Variants in ABTB2 observed in about 807,000 individuals in gnomAD.
ABTB2 encodes the protein ankyrin repeat and BTB/POZ domain-containing protein 2.
ABTB2 carries 56 observed loss-of-function variants against 104.1 expected under a neutral mutation model. The observed-to-expected ratio is 0.54, with a 90% CI of 0.43 to 0.67. The LOEUF is 0.67. ABTB2 is among the 30% of genes least tolerant of loss of function. ABTB2 has a pLI of 0.00. For missense variants in ABTB2, 1,279 were observed against 1,407.7 expected, an observed-to-expected ratio of 0.91 and a Z score of 1.46; for synonymous variants, 606 against 608.2, an observed-to-expected ratio of 1.00 and a Z score of 0.05.
chr11:34,184,850 T>C (rs1289545149), intron 3 of ABTB2, among the ~76,000 whole-genome samples: 1 of 152,242 alleles, frequency 6.6e-6, no homozygotes, highest in Non-Finnish European at 1.5e-5. Flanking sequence ...TCTTCTCCCA[T>C]GAGCGGTGTT....
intron 1 of ABTB2, among the ~76,000 whole-genome samples, chr11:34,253,970 G>A (rs373287912): frequency 6.6e-6 from 1 of 152,166 alleles, no homozygotes; most frequent in Non-Finnish European, 1.5e-5. Context: ...TGGACCGTGA[G>A]AGCACTGGCC....
chr11:34,207,823 C>A (rs575926388), intron 1 of ABTB2, among the ~76,000 whole-genome samples: 7 of 152,218 alleles, frequency 4.6e-5, no homozygotes, highest in African/African-American at 1.7e-4. Flanking sequence ...AGCTAGGCAG[C>A]GCCTAGGATA....
intron 3 of ABTB2, among the ~76,000 whole-genome samples, chr11:34,192,644 C>T (rs866143309): frequency 6.6e-6 from 1 of 152,222 alleles, no homozygotes; most frequent in Admixed American, 6.5e-5. Flanking sequence ...AGGCAAGAGG[C>T]CAGGATCTGA....
In ABTB2 at chr11:34,310,405, C is replaced by T. The variant is rs557319693; in HGVS notation, c.883+46296G>A. ...TGCAACCCTCTGAGTTTCGAATCAA[C>T]TTCCAAATCTGTCACTGCTGCTTCT... is the stretch of plus-strand genomic sequence containing the variant. On this transcript the variant is annotated intron_variant, in intron 1 of 16. Coordinates refer to ENST00000435224, the MANE Select transcript of ABTB2 (RefSeq NM_145804.3). Among the ~76,000 whole-genome samples the T allele has an allele frequency of 8.4e-4, 128 of 152,230 alleles. 2 individuals carry two copies. The highest frequency in any genetic ancestry group is 2.6e-3 in the African/African-American group (108 of 41,532).
Position 34,252,171 on chromosome 11 carries a change from C to G in ABTB2, c.884-47481G>C, listed in dbSNP as rs553769540. Among the ~76,000 whole-genome samples, 98 of 152,308 alleles carry G rather than the reference C, an allele frequency of 6.4e-4. 1 individual carries two copies. The highest frequency in any genetic ancestry group is 1.5e-3 in the Admixed American group (23 of 15,290). On this transcript the variant is annotated intron_variant, in intron 1 of 16. Transcript: ENST00000435224. The surrounding 1 kb of genome is among the most constrained non-coding windows in gnomAD (Gnocchi z 5.5). ...GCTGAGCTGAAAGGAAGTCACCTGA[C>G]ACAGCATGAGCCCCCACACCAGAGC...
In ABTB2 at chr11:34,162,754, C is replaced by T. The variant is rs754314195; in HGVS notation, c.2040G>A (p.Val680=). 3.7e-6 allele frequency: 6 copies of T among 1,609,806 alleles called. 1 individual carries two copies. The highest frequency in any genetic ancestry group is 3.3e-5 in the Admixed American group (2 of 60,002). The change falls in exon 10 of 17, where the codon GTG becomes GTA. Residue 680 remains valine (V), a synonymous_variant. Coordinates refer to ENST00000435224, the MANE Select transcript of ABTB2 (RefSeq NM_145804.3). ...LTQPQQAKAD[V]LSLEEILAEG... ...CGGCCAGGATCTCCTCCAGGGACAG[C>T]ACGTCCGCTTTAGCCTGCTGTGGCT...
chr11:34,258,205 T>C (rs1273113645), intron 1 of ABTB2, among the ~76,000 whole-genome samples: 10 of 152,242 alleles, frequency 6.6e-5, no homozygotes, highest in Non-Finnish European at 1.0e-4. Context: ...CTATAAACTT[T>C]GTGTCACTGA....
intron 1 of ABTB2, chr11:34,335,410 C>A (rs1050320600): frequency 3.7e-6 from 3 of 804,350 alleles, no homozygotes; most frequent in Non-Finnish European, 6.6e-6. Context: ...TCTAAGAGCA[C>A]TTCTCTTTCA....
At chr11:34,337,757 C>A (rs182975358) in intron 1 of ABTB2, among the ~76,000 whole-genome samples, 1 of 152,234 alleles carries the variant, frequency 6.6e-6, no homozygotes, top group South Asian at 2.1e-4. Flanking sequence ...AGTAGGCATT[C>A]GGCAAATAAC....
intron 1 of ABTB2, among the ~76,000 whole-genome samples, chr11:34,272,119 G>A (rs1012131922): frequency 6.6e-6 from 1 of 152,106 alleles, no homozygotes; most frequent in East Asian, 1.9e-4. Context: ...TTCCTCATCT[G>A]TAACTAAAGA....
intron 1 of ABTB2, among the ~76,000 whole-genome samples, chr11:34,327,934 C>T (rs144582122): frequency 2.2e-4 from 34 of 152,294 alleles, no homozygotes; most frequent in African/African-American, 8.2e-4. Flanking sequence ...CCCAACTCCT[C>T]GCTGGCTGTT....
Position 34,345,566 on chromosome 11 carries a change from A to C in ABTB2, c.883+11135T>G, listed in dbSNP as rs144812839. On this transcript the variant is annotated intron_variant, in intron 1 of 16. Transcript: ENST00000435224. ...GCCATCATCATTTGTCTCCTCAAAGACCAGTGTGGTAGAAAACACTACTTA... is the reference window on the plus strand; with the variant it reads ...GCCATCATCATTTGTCTCCTCAAAGCCCAGTGTGGTAGAAAACACTACTTA... Among the ~76,000 whole-genome samples the C allele has an allele frequency of 5.9e-5, 9 of 152,090 alleles. No individual in the cohort carries two copies. In the East Asian group the frequency reaches 1.2e-3, roughly 20 times the overall value.
intron 4 of ABTB2, among the ~76,000 whole-genome samples, chr11:34,172,395 A>ATATATATATATAT (rs1264243637): frequency 3.4e-5 from 1 of 29,050 alleles, no homozygotes; most frequent in Admixed American, 4.2e-4. Context: ...AAAAAAAAAA[A>ATATATATATATAT]ATATATATAT....
intron 1 of ABTB2, among the ~76,000 whole-genome samples, chr11:34,253,742 T>C (rs10734423): frequency 0.34 from 51,524 of 151,578 alleles, 9,864 homozygotes; most frequent in African/African-American, 0.52. Flanking sequence ...GCAAAATGTC[T>C]GTAGTTATTG....
At chr11:34,341,457 C>T (rs1855261347) in intron 1 of ABTB2, among the ~76,000 whole-genome samples, 1 of 152,320 alleles carries the variant, frequency 6.6e-6, no homozygotes, top group Non-Finnish European at 1.5e-5. Context: ...AAGCGACCCA[C>T]CACTGACCCA....
At chr11:34,354,476 G>A (rs1255317732) in intron 1 of ABTB2, among the ~76,000 whole-genome samples, 2 of 149,850 alleles carry the variant, frequency 1.3e-5, no homozygotes, top group African/African-American at 2.5e-5. Flanking sequence ...AAAACAAAAG[G>A]TGGTGGTGGA....
At chr11:34,167,433 C>T (rs1169881703) in intron 6 of ABTB2, 73 bp from the exon 7 acceptor site, 1 of 1,214,578 alleles carries the variant, frequency 8.2e-7, no homozygotes. Context: ...GGATGGTGAA[C>T]CAGAGTTAAC....
At chr11:34,253,783 C>T (rs961840269) in intron 1 of ABTB2, among the ~76,000 whole-genome samples, 1 of 152,202 alleles carries the variant, frequency 6.6e-6, no homozygotes, top group African/African-American at 2.4e-5. Context: ...ACAGTGTCCT[C>T]TCCTCCTTCA....
intron 1 of ABTB2, among the ~76,000 whole-genome samples, chr11:34,306,236 ATT>A (rs34872949): frequency 2.6e-3 from 190 of 71,944 alleles, no homozygotes; most frequent in African/African-American, 8.6e-3. Context: ...GGAAAGTTTG[ATT>A]TTTTTTTTTT....
Sources: gnomAD v4.1 joint callset for allele counts (sites outside exome capture counted in the v4.1 genomes callset) on GRCh38, gnomAD v4.1.1 for gene constraint, Gnocchi (gnomAD v3.1) non-coding constraint, MANE v1.5 for transcripts, NCBI Gene and HGNC (gene_info 2026-07-23, HGNC 2026-07-21) for gene names.